TTLL11: variants seen among roughly 807,000 people sequenced by gnomAD.
TTLL11 encodes tubulin polyglutamylase TTLL11.
TTLL11 carries 42 observed loss-of-function variants against 51.7 expected under a neutral mutation model. The ratio of observed to expected loss-of-function variants is 0.81; its 90% confidence interval spans 0.64 to 1.05. The LOEUF (loss-of-function observed/expected upper bound fraction) is 1.05. Among genes scored for constraint, TTLL11 ranks in the 50% least tolerant of loss-of-function variants. The pLI is 0.00. For missense variants in TTLL11, 799 were observed against 940.4 expected, an observed-to-expected ratio of 0.85 and a Z score of 1.97; for synonymous variants, 381 against 383.5, an observed-to-expected ratio of 0.99 and a Z score of 0.08.
intron 6 of TTLL11, among the ~76,000 whole-genome samples, chr9:121,892,079 G>A (rs1212289098): frequency 6.8e-6 from 1 of 146,166 alleles, no homozygotes; most frequent in Non-Finnish European, 1.5e-5. Flanking sequence ...AACTATATAT[G>A]TAGTGATGAT....
chr9:121,885,827 C>T (rs1166551673), intron 6 of TTLL11, among the ~76,000 whole-genome samples: 1 of 152,180 alleles, frequency 6.6e-6, no homozygotes, highest in Non-Finnish European at 1.5e-5. Flanking sequence ...CTCCTGGCCT[C>T]ATGCAATCCT....
intron 6 of TTLL11, among the ~76,000 whole-genome samples, chr9:121,916,223 T>C (rs539375524): frequency 1.3e-5 from 2 of 152,336 alleles, no homozygotes; most frequent in African/African-American, 4.8e-5. Context: ...TACTGATAAG[T>C]AAAAATAGCA....
chr9:121,854,945 T>C (rs1461707857), intron 8 of TTLL11, among the ~76,000 whole-genome samples: 1 of 152,208 alleles, frequency 6.6e-6, no homozygotes, highest in Non-Finnish European at 1.5e-5. Context: ...TAAATGACAA[T>C]TAACATTGGC....
At chr9:121,970,241 C>A in intron 6 of TTLL11, among the ~76,000 whole-genome samples, 1 of 152,148 alleles carries the variant, frequency 6.6e-6, no homozygotes, top group African/African-American at 2.4e-5. Flanking sequence ...AAATGCCTTT[C>A]CTATCCTTCC....
intron 1 of TTLL11, among the ~76,000 whole-genome samples, chr9:122,054,189 AAGAGCGGTGGTG>A (rs1480795935): frequency 2.0e-5 from 3 of 152,080 alleles, no homozygotes; most frequent in Admixed American, 2.0e-4. Flanking sequence ...TGGAAGCTGG[AAGAGCGGTGGTG>A]AGGCCCATCG....
Position 121,989,101 on chromosome 9 carries a change from A to T in TTLL11, c.1269+94T>A. ...ACCAACACTGTCCCCTCCTCTGGCC[A>T]TCCCACCCCGATCACTCATCCTACA... On this transcript the variant is annotated intron_variant, in intron 4 of 8. Transcript: ENST00000321582. The surrounding 1 kb of genome is among the most constrained non-coding windows in gnomAD (Gnocchi z 4.2). 1 of 1,552,886 alleles carries T rather than the reference A, an allele frequency of 6.4e-7. No individual in the cohort carries two copies. Among genetic ancestry groups the T allele is most frequent in the Non-Finnish European group, 8.7e-7 (1 of 1,147,844 alleles).
chr9:122,074,124 A>AT (rs1403143282), intron 1 of TTLL11, among the ~76,000 whole-genome samples: 2 of 152,132 alleles, frequency 1.3e-5, no homozygotes, highest in African/African-American at 4.8e-5. Context: ...TATACAAAAA[A>AT]TTAGCCAGGT....
At chr9:121,843,949 C>T (rs1352979534) in intron 8 of TTLL11, among the ~76,000 whole-genome samples, 1 of 152,218 alleles carries the variant, frequency 6.6e-6, no homozygotes, top group African/African-American at 2.4e-5. Flanking sequence ...GCTGGGATTA[C>T]TTGGTGTAAG....
intron 6 of TTLL11, among the ~76,000 whole-genome samples, chr9:121,897,644 G>C (rs536665605): frequency 1.9e-5 from 1 of 51,720 alleles, no homozygotes. Flanking sequence ...ACACACACGC[G>C]CGCGCGAAGT....
intron 6 of TTLL11, among the ~76,000 whole-genome samples, chr9:121,915,396 C>T (rs1208853800): frequency 1.3e-5 from 2 of 152,132 alleles, no homozygotes; most frequent in Non-Finnish European, 2.9e-5. Context: ...AGAACATGTG[C>T]ACATTTGCCA....
At chr9:121,852,953 G>C (rs1163512081) in intron 8 of TTLL11, among the ~76,000 whole-genome samples, 2 of 152,224 alleles carry the variant, frequency 1.3e-5, no homozygotes, top group Non-Finnish European at 2.9e-5. Context: ...GTATTTCAGG[G>C]GGAGGGGGCA....
In TTLL11 at chr9:121,989,126, A is replaced by T. The variant is rs921954930; in HGVS notation, c.1269+69T>A. The T allele has an allele frequency of 6.3e-7, 1 of 1,579,292 alleles. No individual in the cohort carries two copies. The highest frequency in any genetic ancestry group is 1.7e-5 in the Admixed American group (1 of 57,600). On this transcript the variant is annotated intron_variant, in intron 4 of 8. Coordinates refer to ENST00000321582, the MANE Select transcript of TTLL11 (RefSeq NM_001139442.2). The surrounding 1 kb of genome is among the most constrained non-coding windows in gnomAD (Gnocchi z 4.2). ...ATCCCACCCCGATCACTCATCCTAC[A>T]CGAAGCCAGAGAGCCCTCTTGAGGC...
intron 6 of TTLL11, among the ~76,000 whole-genome samples, chr9:121,970,374 C>G (rs73551478): frequency 9.8e-5 from 15 of 152,314 alleles, no homozygotes; most frequent in Middle Eastern, 3.4e-3. Context: ...AAAAATAAAA[C>G]TAAATGTGTT....
intron 1 of TTLL11, among the ~76,000 whole-genome samples, chr9:122,065,630 G>A (rs1198873646): frequency 6.6e-6 from 1 of 152,124 alleles, no homozygotes; most frequent in Non-Finnish European, 1.5e-5. Context: ...AAACAACCCG[G>A]GTTCAAATCC....
chr9:121,858,930 C>A (rs776886118), intron 8 of TTLL11, among the ~76,000 whole-genome samples: 1 of 152,216 alleles, frequency 6.6e-6, no homozygotes, highest in Non-Finnish European at 1.5e-5. Flanking sequence ...CCACTCCTCA[C>A]GACCCGGTGC....
intron 8 of TTLL11, among the ~76,000 whole-genome samples, chr9:121,837,932 C>G (rs1309853597): frequency 6.6e-6 from 1 of 152,188 alleles, no homozygotes. Context: ...TCATCTCGCT[C>G]TCCTGCTTCT....
chr9:121,926,200 C>T (rs755197311), intron 6 of TTLL11, among the ~76,000 whole-genome samples: 1 of 152,138 alleles, frequency 6.6e-6, no homozygotes, highest in Non-Finnish European at 1.5e-5. Context: ...TTCAGAGGGG[C>T]CCGGGGCTGG....
At chr9:122,032,253 C>T (rs1167670945) in intron 2 of TTLL11, among the ~76,000 whole-genome samples, 2 of 152,072 alleles carry the variant, frequency 1.3e-5, no homozygotes, top group East Asian at 1.9e-4. Flanking sequence ...CCGTCTTGTA[C>T]CCTAGAGAAT....
chr9:122,042,686 T>A (rs1051079772), intron 1 of TTLL11, among the ~76,000 whole-genome samples: 2 of 152,230 alleles, frequency 1.3e-5, no homozygotes, highest in African/African-American at 4.8e-5. Flanking sequence ...TGTCCTTCAG[T>A]AGGTGAGTCC....
Sources: gnomAD v4.1 joint callset for allele counts (sites outside exome capture counted in the v4.1 genomes callset) on GRCh38, gnomAD v4.1.1 for gene constraint, Gnocchi (gnomAD v3.1) non-coding constraint, MANE v1.5 for transcripts, NCBI Gene and HGNC (gene_info 2026-07-23, HGNC 2026-07-21) for gene names.